TPRG1: variants seen among roughly 807,000 people sequenced by gnomAD.
TPRG1 encodes the protein tumor protein p63 regulated 1.
Under a neutral mutation model 29.3 loss-of-function variants are expected in TPRG1, and 29 were observed. The ratio of observed to expected loss-of-function variants is 0.99; its 90% CI spans 0.74 to 1.35. TPRG1 has a LOEUF of 1.35. Ranked by LOEUF, TPRG1 falls within the 40% of genes most tolerant of loss-of-function variation. The probability of loss-of-function intolerance (pLI) is 0.00; values close to 1 mark genes in which losing one functional copy is unlikely to be tolerated. For missense variants in TPRG1, 327 were observed against 335.0 expected, an observed-to-expected ratio of 0.98 and a Z score of 0.19; for synonymous variants, 130 against 116.8, an observed-to-expected ratio of 1.11 and a Z score of -0.73.
chr3:189,001,840 A>T (rs918171489), intron 2 of TPRG1, among the ~76,000 whole-genome samples: 5 of 152,222 alleles, frequency 3.3e-5, no homozygotes, highest in Admixed American at 3.3e-4. Flanking sequence ...ACCCTTTCTG[A>T]GTGTGAGGAT....
At chr3:189,148,154 T>C (rs1048935207) in intron 4 of TPRG1, among the ~76,000 whole-genome samples, 2 of 152,218 alleles carry the variant, frequency 1.3e-5, no homozygotes, top group Admixed American at 1.3e-4. Flanking sequence ...ATAAAACCTT[T>C]CTGCTCCCTC....
intron 4 of TPRG1, among the ~76,000 whole-genome samples, chr3:189,025,181 C>T (rs990623139): frequency 6.6e-6 from 1 of 152,120 alleles, no homozygotes; most frequent in Non-Finnish European, 1.5e-5. Flanking sequence ...TCCTAGACTC[C>T]ACACAGCTCT....
At chr3:189,271,363 T>A (rs887056300) in intron 4 of TPRG1, among the ~76,000 whole-genome samples, 1 of 152,212 alleles carries the variant, frequency 6.6e-6, no homozygotes, top group Admixed American at 6.5e-5. Context: ...CCTGTGTTTA[T>A]GATGATGCCT....
Position 189,321,750 on chromosome 3 carries a change from C to G in TPRG1, c.*930C>G, listed in dbSNP as rs1225102261. 1 of 152,010 alleles carries G rather than the reference C, an allele frequency of 6.6e-6. No homozygotes were observed. The highest frequency in any genetic ancestry group is 1.5e-5 in the Non-Finnish European group (1 of 67,990). The allele number at this position is 152,010 out of a possible 1,614,324, so 9.4% of individuals were successfully genotyped here. On this transcript the variant is annotated 3_prime_UTR_variant, in exon 6 of 6. Transcript: ENST00000345063. ...TTTTTTAATAACAGACCTTTTTCTT[C>G]TAAAGAAATCTTTTGTAGAAGCAGC... is the stretch of plus-strand genomic sequence containing the variant.
chr3:189,105,750 T>C (rs1469686161), intron 1 of TPRG1, among the ~76,000 whole-genome samples: 2 of 152,136 alleles, frequency 1.3e-5, no homozygotes, highest in Admixed American at 1.3e-4. Context: ...GAATAGAGGG[T>C]GTCAAAAATG....
At chr3:189,102,376 C>T (rs934062542) in intron 1 of TPRG1, among the ~76,000 whole-genome samples, 1 of 152,328 alleles carries the variant, frequency 6.6e-6, no homozygotes. Flanking sequence ...ACAGGCATCT[C>T]ACACACAACA....
In TPRG1 at chr3:189,188,714, T is replaced by A. The variant is rs6798596; in HGVS notation, c.-10+16583T>A. 5.9e-3 allele frequency among the ~76,000 whole-genome samples: 900 copies of A among 152,328 alleles called. 13 individuals carry two copies. Among genetic ancestry groups the A allele is most frequent in the African/African-American group, 0.021 (875 of 41,576 alleles). ...TCATATAATTTACATAACAGGTTTGTAACTTCTTGGCCTGCATAGCACTTT... is the reference window on the plus strand; with the variant it reads ...TCATATAATTTACATAACAGGTTTGAAACTTCTTGGCCTGCATAGCACTTT... On this transcript the variant is annotated intron_variant, in intron 1 of 5. Coordinates refer to ENST00000345063, the MANE Select transcript of TPRG1 (RefSeq NM_198485.4).
At chr3:189,042,603 T>G (rs1342055972) in intron 4 of TPRG1, among the ~76,000 whole-genome samples, 1 of 149,294 alleles carries the variant, frequency 6.7e-6, no homozygotes, top group Non-Finnish European at 1.5e-5. Context: ...CTAGCAGGGG[T>G]CAGAGTTGGC....
At chr3:189,313,548 A>C (rs568713095) in intron 5 of TPRG1, among the ~76,000 whole-genome samples, 8 of 152,354 alleles carry the variant, frequency 5.3e-5, no homozygotes, top group African/African-American at 1.7e-4. Flanking sequence ...TGAGTTATGC[A>C]GTCAACACTT....
chr3:189,147,549 C>T (rs2242015), intron 3 of TPRG1: 47,735 of 152,144 alleles, frequency 0.31, 7,918 homozygotes, highest in Admixed American at 0.44. Flanking sequence ...GGGAGACCCA[C>T]TGGGATGTTT....
At chr3:189,105,525 TC>T (rs988709929) in intron 1 of TPRG1, among the ~76,000 whole-genome samples, 14 of 152,222 alleles carry the variant, frequency 9.2e-5, no homozygotes, top group African/African-American at 3.4e-4. Context: ...GAATCTAAGT[TC>T]CTCTTCTACA....
At chr3:189,014,621 A>G (rs1712824510) in intron 3 of TPRG1, among the ~76,000 whole-genome samples, 1 of 152,106 alleles carries the variant, frequency 6.6e-6, no homozygotes, top group Non-Finnish European at 1.5e-5. Context: ...TCATGGGGGA[A>G]ATCTTCTCCC....
At chr3:189,079,152 G>A (rs1717419648) in intron 4 of TPRG1, among the ~76,000 whole-genome samples, 1 of 152,052 alleles carries the variant, frequency 6.6e-6, no homozygotes, top group African/African-American at 2.4e-5. Flanking sequence ...AAGAGAGGAG[G>A]AAGGTGCCAG....
chr3:189,112,849 G>A (rs1720704757), intron 1 of TPRG1, among the ~76,000 whole-genome samples: 1 of 152,118 alleles, frequency 6.6e-6, no homozygotes, highest in Non-Finnish European at 1.5e-5. Flanking sequence ...GGTTTGACTT[G>A]GCGTTGCAGG....
intron 2 of TPRG1, among the ~76,000 whole-genome samples, chr3:189,214,676 C>G (rs946270451): frequency 6.6e-6 from 1 of 152,142 alleles, no homozygotes; most frequent in Admixed American, 6.6e-5. Flanking sequence ...TCCCAGAAAT[C>G]TATGTTTTAA....
chr3:189,221,171 G>C (rs1458025845), intron 3 of TPRG1, among the ~76,000 whole-genome samples: 3 of 152,062 alleles, frequency 2.0e-5, no homozygotes, highest in Non-Finnish European at 2.9e-5. Context: ...ATTTATTTTT[G>C]GCTATTTCTA....
intron 4 of TPRG1, among the ~76,000 whole-genome samples, chr3:189,272,682 CCTTTCTTTCTTTCT>C (rs1220562315): frequency 2.9e-5 from 4 of 140,208 alleles, no homozygotes; most frequent in Admixed American, 1.4e-4. Context: ...TCCTTTCTTT[CCTTTCTTTCTTTCT>C]CTTTCTTTCT....
intron 1 of TPRG1, among the ~76,000 whole-genome samples, chr3:189,187,803 T>C (rs1457596014): frequency 6.6e-6 from 1 of 152,262 alleles, no homozygotes; most frequent in Non-Finnish European, 1.5e-5. Flanking sequence ...GTGATAAAGG[T>C]ATTGATTGCA....
intron 4 of TPRG1, among the ~76,000 whole-genome samples, chr3:189,026,961 AG>A (rs1449111975): frequency 1.3e-5 from 2 of 152,350 alleles, no homozygotes; most frequent in Non-Finnish European, 2.9e-5. Flanking sequence ...CAATAACTTT[AG>A]AAAAATGTCT....
Sources: gnomAD v4.1 joint callset for allele counts (sites outside exome capture counted in the v4.1 genomes callset) on GRCh38, gnomAD v4.1.1 for gene constraint, MANE v1.5 for transcripts, NCBI Gene and HGNC (gene_info 2026-07-23, HGNC 2026-07-21) for gene names.